The following PTPRM variants were observed in gnomAD, a reference collection of about 807,000 sequenced individuals.
PTPRM encodes receptor-type tyrosine-protein phosphatase mu.
A neutral mutation model predicts 186.7 loss-of-function variants in PTPRM; 47 were observed. The ratio of observed to expected loss-of-function variants is 0.25; its 90% confidence interval spans 0.20 to 0.32. The LOEUF (loss-of-function observed/expected upper bound fraction) is 0.32. PTPRM is among the 10% of genes least tolerant of loss of function. The pLI, the probability that PTPRM is intolerant of heterozygous loss-of-function variation, is 1.00. For missense variants in PTPRM, 1,494 were observed against 1,865.0 expected, an observed-to-expected ratio of 0.80 and a Z score of 3.66; for synonymous variants, 668 against 674.9, an observed-to-expected ratio of 0.99 and a Z score of 0.16.
chr18:7,908,469 T>C (rs1490553484), intron 4 of PTPRM, among the ~76,000 whole-genome samples: 1 of 152,208 alleles, frequency 6.6e-6, no homozygotes, highest in Non-Finnish European at 1.5e-5. Flanking sequence ...CAGGACCCTC[T>C]TTGTTAAGCT....
At chr18:8,204,161 G>C (rs906678024) in intron 14 of PTPRM, among the ~76,000 whole-genome samples, 1 of 151,894 alleles carries the variant, frequency 6.6e-6, no homozygotes, top group Non-Finnish European at 1.5e-5. Flanking sequence ...AGCAGAATGA[G>C]ATTGGGGGTG....
At chr18:8,209,989 T>TAAA (rs67547673) in intron 14 of PTPRM, among the ~76,000 whole-genome samples, 11 of 78,704 alleles carry the variant, frequency 1.4e-4, no homozygotes, top group East Asian at 6.1e-4. Context: ...GAAGTAAAAT[T>TAAA]AAAAAAAAAA....
At chr18:7,580,748 A>G (rs567664053) in intron 1 of PTPRM, among the ~76,000 whole-genome samples, 3 of 152,296 alleles carry the variant, frequency 2.0e-5, no homozygotes, top group Non-Finnish European at 2.9e-5. Flanking sequence ...CAACCATGTC[A>G]TCCGAACGTG....
chr18:8,130,437 G>A (rs578131876), intron 13 of PTPRM, among the ~76,000 whole-genome samples: 13 of 152,204 alleles, frequency 8.5e-5, no homozygotes, highest in African/African-American at 2.9e-4. Context: ...ATGCAAAAAC[G>A]TTTTTGTCAA....
intron 5 of PTPRM, among the ~76,000 whole-genome samples, chr18:7,936,595 C>T (rs1421060172): frequency 6.6e-6 from 1 of 152,162 alleles, no homozygotes; most frequent in African/African-American, 2.4e-5. Context: ...CCTGCAGGTG[C>T]CCCTCAGCAT....
At chr18:8,330,107 A>T (rs1245712627) in intron 22 of PTPRM, among the ~76,000 whole-genome samples, 3 of 152,100 alleles carry the variant, frequency 2.0e-5, no homozygotes, top group Admixed American at 6.5e-5. Context: ...CCAACCTAGG[A>T]ACTTCTTTAA....
chr18:7,985,918 G>C (rs891737635), intron 7 of PTPRM, among the ~76,000 whole-genome samples: 4 of 152,156 alleles, frequency 2.6e-5, no homozygotes, highest in African/African-American at 9.6e-5. Context: ...AATAGTTGTA[G>C]AGTTTGAATG....
intron 13 of PTPRM, among the ~76,000 whole-genome samples, chr18:8,116,099 C>T (rs908049364): frequency 5.3e-5 from 8 of 152,090 alleles, no homozygotes; most frequent in Admixed American, 1.3e-4. Flanking sequence ...CATAAACTGC[C>T]GTATGCTATC....
At position 8,380,505 on chromosome 18, in the gene PTPRM, G is replaced by A. The variant is rs113914126; in HGVS notation, c.3918+78G>A. ...TTTTACACTGAGTTTGTTTGCACCC[G>A]AGAAGTGCAGGCCCTAGTGCCAGAT... On this transcript the variant is annotated intron_variant, in intron 29 of 32. Transcript: ENST00000580170. 5.3e-4 allele frequency: 815 copies of A among 1,535,130 alleles called. 6 individuals are homozygous for A. In the African/African-American group the frequency reaches 5.8e-3, roughly 11 times the overall value.
At chr18:8,020,050 G>A (rs1281394996) in intron 7 of PTPRM, among the ~76,000 whole-genome samples, 2 of 151,972 alleles carry the variant, frequency 1.3e-5, no homozygotes, top group Non-Finnish European at 2.9e-5. Flanking sequence ...CCAAGGAGAA[G>A]GCTTGATGAT....
chr18:8,007,240 C>T (rs747463467), intron 7 of PTPRM, among the ~76,000 whole-genome samples: 2 of 152,158 alleles, frequency 1.3e-5, no homozygotes, highest in African/African-American at 4.8e-5. Flanking sequence ...CTTTAGTTTT[C>T]CCTACTAACA....
chr18:7,903,887 C>T (rs1257700851), intron 3 of PTPRM, among the ~76,000 whole-genome samples: 1 of 152,094 alleles, frequency 6.6e-6, no homozygotes, highest in Non-Finnish European at 1.5e-5. Flanking sequence ...GGCCTAGGAT[C>T]AAAGTTTTTG....
intron 8 of PTPRM, among the ~76,000 whole-genome samples, chr18:8,072,243 A>G (rs952684441): frequency 6.6e-6 from 1 of 152,200 alleles, no homozygotes; most frequent in African/African-American, 2.4e-5. Context: ...TACATCAATG[A>G]GAGAAATAAA....
At chr18:8,339,722 G>A (rs1169930428) in intron 22 of PTPRM, among the ~76,000 whole-genome samples, 1 of 151,516 alleles carries the variant, frequency 6.6e-6, no homozygotes, top group Non-Finnish European at 1.5e-5. Context: ...TTGGACTTGT[G>A]ATGTTGGCTC....
chr18:8,346,223 T>C (rs750526316), intron 23 of PTPRM, among the ~76,000 whole-genome samples: 46 of 152,170 alleles, frequency 3.0e-4, no homozygotes, highest in South Asian at 8.3e-4. Flanking sequence ...AGCAGTACTG[T>C]GTGTCCACCT....
chr18:7,908,499 G>C (rs2050109058), intron 4 of PTPRM, among the ~76,000 whole-genome samples: 1 of 152,096 alleles, frequency 6.6e-6, no homozygotes, highest in Non-Finnish European at 1.5e-5. Flanking sequence ...AGACCTGTGT[G>C]GTTGTTACCT....
In PTPRM at chr18:7,931,726, C is replaced by T. The variant is rs147212374; in HGVS notation, c.663+5043C>T. Among the ~76,000 whole-genome samples the T allele has an allele frequency of 4.9e-3, 744 of 152,196 alleles. 6 individuals are homozygous for T. Among genetic ancestry groups the T allele is most frequent in the African/African-American group, 0.017 (706 of 41,550 alleles). On this transcript the variant is annotated intron_variant, in intron 5 of 32. Coordinates refer to ENST00000580170, the MANE Select transcript of PTPRM (RefSeq NM_001105244.2). The stretch of plus-strand genomic sequence containing the variant: ...ATAATTTTTGTTTGCTGATGGGAAA[C>T]TTCTGATGTTGTATATTTTTTATGT...
At chr18:8,400,705 C>T (rs1038644616) in intron 32 of PTPRM, among the ~76,000 whole-genome samples, 1 of 152,206 alleles carries the variant, frequency 6.6e-6, no homozygotes, top group Admixed American at 6.5e-5. Context: ...TTACAGCCGA[C>T]CCTCCAGACT....
intron 2 of PTPRM, among the ~76,000 whole-genome samples, chr18:7,840,193 AC>A (rs1001634260): frequency 2.6e-5 from 4 of 152,022 alleles, no homozygotes; most frequent in Non-Finnish European, 4.4e-5. Context: ...AAAACCAGTT[AC>A]TGTGTGTGCT....
Sources: allele counts gnomAD v4.1 joint callset (sites outside exome capture counted in the v4.1 genomes callset), GRCh38; gene constraint gnomAD v4.1.1; transcripts MANE v1.5; gene names NCBI Gene and HGNC (gene_info 2026-07-23, HGNC 2026-07-21).